The following DZIP1L variants were observed in gnomAD, a reference collection of about 807,000 sequenced individuals.
DZIP1L encodes the protein cilium assembly protein DZIP1L.
A neutral mutation model predicts 88.7 loss-of-function variants in DZIP1L; 90 were observed. That is an observed-to-expected ratio of 1.02 (90% CI 0.86 to 1.21). The LOEUF (loss-of-function observed/expected upper bound fraction) is 1.21. Among genes scored for constraint, DZIP1L ranks in the 50% most tolerant of loss-of-function variants. The pLI, the probability that DZIP1L is intolerant of heterozygous loss-of-function variation, is 0.00. For missense variants in DZIP1L, 932 were observed against 955.8 expected (o/e 0.98, Z 0.33); for synonymous variants, 363 against 372.1 (o/e 0.98, Z 0.28).
chr3:138,087,097 A>G (rs1943978608), intron 6 of DZIP1L, 74 bp from the exon 7 acceptor site: 6 of 1,437,642 alleles, frequency 4.2e-6, no homozygotes, highest in Non-Finnish European at 9.7e-7. Context: ...CAGGAAGTTA[A>G]AAGTACTGGC....
chr3:138,108,441 A>C (rs1397130401), intron 1 of DZIP1L, among the ~76,000 whole-genome samples: 1 of 152,042 alleles, frequency 6.6e-6, no homozygotes, highest in African/African-American at 2.4e-5. Flanking sequence ...ACTCTCCATC[A>C]GCCACTCTCT....
At chr3:138,113,200 C>T (rs1043383075) in intron 1 of DZIP1L, among the ~76,000 whole-genome samples, 1 of 152,172 alleles carries the variant, frequency 6.6e-6, no homozygotes, top group Non-Finnish European at 1.5e-5. Flanking sequence ...TGCACACTCC[C>T]AGTGACAAGT....
chr3:138,078,085 T>A (rs1422351281), intron 10 of DZIP1L, among the ~76,000 whole-genome samples: 1 of 152,178 alleles, frequency 6.6e-6, no homozygotes, highest in East Asian at 1.9e-4. Flanking sequence ...GACCCTAGAA[T>A]CTACATTTTA....
chr3:138,073,454 G>C (rs1248571159), intron 11 of DZIP1L, among the ~76,000 whole-genome samples: 1 of 152,066 alleles, frequency 6.6e-6, no homozygotes, highest in Non-Finnish European at 1.5e-5. Context: ...GCTAGACCCA[G>C]AAGATCAAAA....
intron 1 of DZIP1L, among the ~76,000 whole-genome samples, chr3:138,110,786 T>C (rs1046398472): frequency 2.2e-4 from 34 of 152,226 alleles, no homozygotes; most frequent in African/African-American, 8.2e-4. Flanking sequence ...ACATGTATTA[T>C]CCCACTTAAT....
chr3:138,070,451 A>T (rs568852322), intron 12 of DZIP1L, among the ~76,000 whole-genome samples: 1 of 152,286 alleles, frequency 6.6e-6, no homozygotes, highest in South Asian at 2.1e-4. Flanking sequence ...ACTAAATATT[A>T]TAGTTTCCCA....
chr3:138,075,490 AC>A (rs1943364181), intron 11 of DZIP1L, among the ~76,000 whole-genome samples: 1 of 152,246 alleles, frequency 6.6e-6, no homozygotes, highest in African/African-American at 2.4e-5. Context: ...TTGGAAATCA[AC>A]TCCAAAAGAA....
rs1329936352 is a variant in DZIP1L at position 138,084,094 on chromosome 3, A to G, written c.1203+19T>C. 4 of 1,611,560 alleles carry G rather than the reference A, an allele frequency of 2.5e-6. No individual in the cohort carries two copies. Among genetic ancestry groups the G allele is most frequent in the Non-Finnish European group, 3.4e-6 (4 of 1,178,832 alleles). ...GCCCAGGGACACCAAGGCCTGGCTG[A>G]AAGGAAGGGCAGACCTACCATCTCC... On this transcript the variant is annotated intron_variant, in intron 8 of 15. Coordinates refer to ENST00000327532, the MANE Select transcript of DZIP1L (RefSeq NM_173543.3).
At position 138,103,960 on chromosome 3, in the gene DZIP1L, T is replaced by G. The variant is rs1380872880; in HGVS notation, c.12A>C (p.Pro4=). 19 of 1,611,262 alleles carry G rather than the reference T, an allele frequency of 1.2e-5. No individual in the cohort carries two copies. Among genetic ancestry groups the G allele is most frequent in the Non-Finnish European group, 1.4e-5 (17 of 1,179,580 alleles). The change falls in exon 2 of 16, where the codon CCA becomes CCC. Residue 4 remains proline (P), a synonymous_variant. Transcript: ENST00000327532. The part of the protein sequence containing the change: MQS[P]AATAEGLSGP... ...CACTGAGGCCCTCAGCAGTGGCAGC[T>G]GGGGACTGCATGGGCAGAGGAAGCC... is the stretch of plus-strand genomic sequence containing the variant.
intron 10 of DZIP1L, among the ~76,000 whole-genome samples, chr3:138,078,056 T>C (rs562122764): frequency 4.1e-4 from 62 of 152,344 alleles, no homozygotes; most frequent in Middle Eastern, 3.4e-3. Flanking sequence ...AAGAGTCTGA[T>C]TCCATAAGTC....
chr3:138,068,398 G>A, intron 12 of DZIP1L, 31 bp from the exon 13 acceptor site: 1 of 1,455,692 alleles, frequency 6.9e-7, no homozygotes, highest in Non-Finnish European at 9.2e-7. Context: ...GATTTTTGGA[G>A]TACACCCATG....
At position 138,085,241 on chromosome 3, in the gene DZIP1L, C is replaced by T. The variant is rs529368589; in HGVS notation, c.1063-988G>A. On this transcript the variant is annotated intron_variant, in intron 7 of 15. Coordinates refer to ENST00000327532, the MANE Select transcript of DZIP1L (RefSeq NM_173543.3). ...ACACCAAAAGCAATGGCAACAAAAG[C>T]CAAAATTGACAAATGGGATCTAATT... Among the ~76,000 whole-genome samples the T allele has an allele frequency of 2.6e-5, 4 of 152,228 alleles. No individual in the cohort carries two copies. The South Asian group carries it at 8.3e-4, about 32-fold the overall frequency.
At chr3:138,077,223 T>A (rs1419799961) in intron 11 of DZIP1L, among the ~76,000 whole-genome samples, 1 of 152,106 alleles carries the variant, frequency 6.6e-6, no homozygotes, top group African/African-American at 2.4e-5. Context: ...CAGAGGGAAG[T>A]AACCAATGAG....
chr3:138,087,232 A>T (rs548072752), intron 6 of DZIP1L, among the ~76,000 whole-genome samples: 62 of 152,320 alleles, frequency 4.1e-4, no homozygotes, highest in Middle Eastern at 3.4e-3. Context: ...ACAAATGGCT[A>T]GCTACCTGAA....
intron 15 of DZIP1L, among the ~76,000 whole-genome samples, chr3:138,064,178 T>G (rs114923992): frequency 0.024 from 3,625 of 152,220 alleles, 134 homozygotes; most frequent in African/African-American, 0.083. Context: ...TGCTGTTACC[T>G]ACTCTGATGT....
intron 3 of DZIP1L, among the ~76,000 whole-genome samples, chr3:138,096,291 G>C (rs1944463182): frequency 6.6e-6 from 1 of 152,074 alleles, no homozygotes; most frequent in Non-Finnish European, 1.5e-5. Context: ...AAGGAAATAA[G>C]AGATATGCTC....
At position 138,094,962 on chromosome 3, in the gene DZIP1L, T is replaced by C; in HGVS notation, c.608A>G (p.Gln203Arg). 1.2e-6 allele frequency: 2 copies of C among 1,614,280 alleles called. No homozygotes were observed. Among genetic ancestry groups the C allele is most frequent in the African/African-American group, 1.3e-5 (1 of 75,084 alleles). ...CTCTTCTAACACCTCTTCCACTGGC[T>C]GTTCCTGTTTCTTCTGTTTTCCTGT... Reference protein sequence around the residue: ...AEGGKQKKQEQPVEEVLEELR... With the variant: ...AEGGKQKKQERPVEEVLEELR... The change falls in exon 4 of 16, where the codon CAG (glutamine) becomes CGG (arginine). Residue 203 changes from glutamine to arginine, a missense_variant. Transcript: ENST00000327532.
At chr3:138,087,997 T>C (rs2107795767) in intron 6 of DZIP1L, among the ~76,000 whole-genome samples, 1 of 152,342 alleles carries the variant, frequency 6.6e-6, no homozygotes, top group East Asian at 1.9e-4. Flanking sequence ...AAATTAAAGC[T>C]TTTTTAATTC....
chr3:138,111,992 A>C (rs1363087286), intron 1 of DZIP1L, among the ~76,000 whole-genome samples: 1 of 126,072 alleles, frequency 7.9e-6, no homozygotes, highest in Non-Finnish European at 1.8e-5. Context: ...ACAAGAATGA[A>C]ATTCTGTCTC....
Sources: allele counts gnomAD v4.1 joint callset (sites outside exome capture counted in the v4.1 genomes callset), GRCh38; gene constraint gnomAD v4.1.1; transcripts MANE v1.5; gene names NCBI Gene and HGNC (gene_info 2026-07-23, HGNC 2026-07-21).